MAN1A1: variants seen among roughly 807,000 people sequenced by gnomAD.
The protein encoded by MAN1A1 is mannosidase alpha class 1A member 1.
A neutral mutation model predicts 70.8 loss-of-function variants in MAN1A1; 29 were observed. The observed-to-expected ratio is 0.41, with a 90% CI of 0.31 to 0.56. The LOEUF is 0.56. Ranked by LOEUF, MAN1A1 falls within the 20% of genes least tolerant of loss-of-function variation. MAN1A1 has a pLI of 0.29. For synonymous variants in MAN1A1, 349 were observed against 330.1 expected, an observed-to-expected ratio of 1.06 and a Z score of -0.62; for missense variants, 747 against 841.3, an observed-to-expected ratio of 0.89 and a Z score of 1.39.
intron 5 of MAN1A1, among the ~76,000 whole-genome samples, chr6:119,268,242 G>T (rs927651103): frequency 6.6e-6 from 1 of 152,268 alleles, no homozygotes; most frequent in African/African-American, 2.4e-5. Flanking sequence ...TACAGGAGGG[G>T]CAAGATAAAT....
intron 5 of MAN1A1, among the ~76,000 whole-genome samples, chr6:119,253,257 G>A (rs1775373843): frequency 6.6e-6 from 1 of 152,078 alleles, no homozygotes; most frequent in South Asian, 2.1e-4. Context: ...TCTGCTGCCG[G>A]TGAGATACAC....
chr6:119,349,191 C>T lies in MAN1A1; in HGVS notation c.-126G>A, dbSNP rs1318420568. The T allele has an allele frequency of 1.6e-6, 2 of 1,227,570 alleles. No individual in the cohort carries two copies. The highest frequency in any genetic ancestry group is 2.0e-6 in the Non-Finnish European group (2 of 986,024). 76.0% of individuals were successfully genotyped at this position (1,227,570 alleles called of 1,614,324 possible). ...CCGCCCGACCCCCTCGGCTGGGCTGCGGATCCTCCCTGGGGGAACAACTCC... is the reference window on the plus strand; with the variant it reads ...CCGCCCGACCCCCTCGGCTGGGCTGTGGATCCTCCCTGGGGGAACAACTCC... On this transcript the variant is annotated 5_prime_UTR_variant, in exon 2 of 13. Coordinates refer to ENST00000368468, the MANE Select transcript of MAN1A1 (RefSeq NM_005907.4).
intron 2 of MAN1A1, among the ~76,000 whole-genome samples, chr6:119,324,826 T>C (rs566619916): frequency 1.3e-5 from 2 of 152,332 alleles, no homozygotes; most frequent in African/African-American, 4.8e-5. Context: ...GGGCTTTTAA[T>C]CTTGACACTA....
Position 119,251,674 on chromosome 6 carries a change from T to A in MAN1A1, c.898-3320A>T, listed in dbSNP as rs117191581. 7.8e-3 allele frequency among the ~76,000 whole-genome samples: 1,186 copies of A among 152,306 alleles called. 4 individuals carry two copies. Among genetic ancestry groups the A allele is most frequent in the Admixed American group, 0.011 (175 of 15,302 alleles). On this transcript the variant is annotated intron_variant, in intron 5 of 12. Coordinates refer to ENST00000368468, the MANE Select transcript of MAN1A1 (RefSeq NM_005907.4). The stretch of plus-strand genomic sequence containing the variant: ...TTGTGTTTTCTCTCATATCCCCCAA[T>A]AATTTTTCTTCCTAGAAGTAGAGAA...
intron 9 of MAN1A1, among the ~76,000 whole-genome samples, chr6:119,190,384 A>G (rs2281124): frequency 0.71 from 108,410 of 152,142 alleles, 40,944 homozygotes; most frequent in Non-Finnish European, 0.83. Context: ...TTCTGGGGCC[A>G]GAAGACTTGG....
intron 2 of MAN1A1, among the ~76,000 whole-genome samples, chr6:119,321,787 T>A (rs1043100107): frequency 6.6e-6 from 1 of 151,788 alleles, no homozygotes; most frequent in African/African-American, 2.4e-5. Flanking sequence ...CTCGCTAATT[T>A]TTAGTATTTT....
At chr6:119,252,729 T>C (rs889403727) in intron 5 of MAN1A1, among the ~76,000 whole-genome samples, 7 of 152,160 alleles carry the variant, frequency 4.6e-5, no homozygotes, top group Non-Finnish European at 7.4e-5. Flanking sequence ...GAGGCGGCAG[T>C]TGCAGTGAGC....
chr6:119,282,968 C>A (rs910981947), intron 5 of MAN1A1, among the ~76,000 whole-genome samples: 11 of 152,098 alleles, frequency 7.2e-5, no homozygotes, highest in Non-Finnish European at 1.5e-4. Flanking sequence ...TATGTTAAAT[C>A]TATTTTAAAG....
intron 6 of MAN1A1, among the ~76,000 whole-genome samples, chr6:119,236,707 CAA>C (rs34748730): frequency 0.037 from 3,535 of 96,682 alleles, 47 homozygotes; most frequent in East Asian, 0.097. Flanking sequence ...GACTTTGTCT[CAA>C]AAAAAAAAAA....
chr6:119,326,119 G>C (rs543985993), intron 2 of MAN1A1, among the ~76,000 whole-genome samples: 280 of 152,346 alleles, frequency 1.8e-3, no homozygotes, highest in Admixed American at 4.9e-3. Flanking sequence ...CCGTAGATAG[G>C]TGAAATACAG....
intron 2 of MAN1A1, among the ~76,000 whole-genome samples, chr6:119,323,579 G>A (rs1773075143): frequency 2.0e-5 from 3 of 152,166 alleles, no homozygotes; most frequent in Admixed American, 1.3e-4. Flanking sequence ...GTTTCTCCAA[G>A]TAGGTTAACA....
intron 6 of MAN1A1, 81 bp from the exon 7 acceptor site, chr6:119,204,963 C>A: frequency 1.4e-6 from 2 of 1,478,208 alleles, no homozygotes; most frequent in Non-Finnish European, 1.8e-6. Context: ...ATGAAATAGA[C>A]AGCTTTTAAA....
Position 119,348,962 on chromosome 6 carries a change from G to T in MAN1A1, c.104C>A (p.Ala35Asp), listed in dbSNP as rs758319254. 6.6e-7 allele frequency: 1 copy of T among 1,523,400 alleles called. No homozygotes were observed. The highest frequency in any genetic ancestry group is 1.2e-5 in the South Asian group (1 of 80,824). 94.4% of individuals were successfully genotyped at this position (1,523,400 alleles called of 1,614,324 possible). The change falls in exon 2 of 13, where the codon GCC becomes GAC. Residue 35 changes from alanine to aspartate, a missense_variant. By Grantham distance (126) the Ala-to-Asp change is moderately radical (BLOSUM62 -2). Transcript: ENST00000368468. ...GGGRKGSGPAALRLTEKFVLL... is the reference protein window; with the variant it reads ...GGGRKGSGPADLRLTEKFVLL... ...CACGAACTTCTCCGTCAGGCGGAGG[G>T]CGGCGGGGCCCGACCCCTTCCTGCC... is the stretch of plus-strand genomic sequence containing the variant.
chr6:119,311,282 A>G (rs904072266), intron 2 of MAN1A1, among the ~76,000 whole-genome samples: 1 of 152,232 alleles, frequency 6.6e-6, no homozygotes, highest in Non-Finnish European at 1.5e-5. Context: ...TTTTCCTAGT[A>G]TAACACATAA....
chr6:119,300,775 C>T (rs1033597201), intron 4 of MAN1A1, among the ~76,000 whole-genome samples: 4 of 152,058 alleles, frequency 2.6e-5, no homozygotes, highest in East Asian at 1.9e-4. Context: ...TAATATTGAT[C>T]GGAATATTCT....
chr6:119,332,376 CT>C (rs1299268787), intron 2 of MAN1A1, among the ~76,000 whole-genome samples: 1 of 152,170 alleles, frequency 6.6e-6, no homozygotes, highest in African/African-American at 2.4e-5. Flanking sequence ...TGGAGTATAA[CT>C]GAGAAGCTGC....
chr6:119,244,482 TATTG>T (rs1775110632), intron 6 of MAN1A1, among the ~76,000 whole-genome samples: 1 of 152,110 alleles, frequency 6.6e-6, no homozygotes, highest in Non-Finnish European at 1.5e-5. Context: ...TTTCAGAATC[TATTG>T]AATTAAGAAT....
chr6:119,258,843 G>A (rs1465254933), intron 5 of MAN1A1, among the ~76,000 whole-genome samples: 2 of 152,010 alleles, frequency 1.3e-5, no homozygotes, highest in Non-Finnish European at 2.9e-5. Context: ...TACAGAGCTG[G>A]GACTAGGTGA....
chr6:119,197,206 G>A (rs374437585), intron 8 of MAN1A1, among the ~76,000 whole-genome samples: 3 of 152,088 alleles, frequency 2.0e-5, no homozygotes, highest in South Asian at 2.1e-4. Flanking sequence ...CTACTTGGGA[G>A]GCTGATGCAG....
Sources: gnomAD v4.1 joint callset for allele counts (sites outside exome capture counted in the v4.1 genomes callset) on GRCh38, gnomAD v4.1.1 for gene constraint, MANE v1.5 for transcripts, NCBI Gene and HGNC (gene_info 2026-07-23, HGNC 2026-07-21) for gene names.